The following STUM variants were observed in gnomAD, a reference collection of about 807,000 sequenced individuals.
STUM encodes protein stum homolog.
A neutral mutation model predicts 15.3 loss-of-function variants in STUM; 8 were observed. The ratio of observed to expected loss-of-function variants is 0.52; its 90% CI spans 0.31 to 0.94. The LOEUF is 0.94. Ranked by LOEUF, STUM falls within the 40% of genes least tolerant of loss-of-function variation. The pLI is 0.05. For missense variants in STUM, 142 were observed against 204.9 expected (o/e 0.69, Z 1.87); for synonymous variants, 78 against 88.7 (o/e 0.88, Z 0.68).
chr1:226,605,783 AC>A lies in STUM; in HGVS notation c.*3746del, dbSNP rs1668347360. 1 of 152,088 alleles carries A rather than the reference AC, an allele frequency of 6.6e-6. No individual in the cohort carries two copies. Among genetic ancestry groups the A allele is most frequent in the African/African-American group, 2.4e-5 (1 of 41,366 alleles). The allele number at this position is 152,088 out of a possible 1,614,324, so 9.4% of individuals were successfully genotyped here. On this transcript the variant is annotated 3_prime_UTR_variant, in exon 4 of 4. Transcript: ENST00000366788. This position sits in a 1 kb window ranked among gnomAD's most constrained non-coding sequence, Gnocchi z 4.0. ...TCCCACCTGCCTGGGCAGCCCTCACACCCATGCTCCCTCCTTTAGGCAGGCC... is the reference window on the plus strand; with the variant it reads ...TCCCACCTGCCTGGGCAGCCCTCACACCATGCTCCCTCCTTTAGGCAGGCC...
intron 1 of STUM, among the ~76,000 whole-genome samples, chr1:226,561,732 T>G (rs1401244057): frequency 6.6e-6 from 1 of 152,148 alleles, no homozygotes; most frequent in Non-Finnish European, 1.5e-5. Context: ...AACCATCAAA[T>G]CTAAGTCTAA....
At chr1:226,585,556 T>C (rs1403299890) in intron 1 of STUM, among the ~76,000 whole-genome samples, 3 of 152,238 alleles carry the variant, frequency 2.0e-5, no homozygotes, top group East Asian at 1.9e-4. Flanking sequence ...TTATCTGTGA[T>C]GCAGTTGGGA....
At chr1:226,572,634 A>T (rs1667737014) in intron 1 of STUM, among the ~76,000 whole-genome samples, 1 of 152,180 alleles carries the variant, frequency 6.6e-6, no homozygotes, top group African/African-American at 2.4e-5. Context: ...CAAGTCCCTG[A>T]GTCGGCCTTT....
intron 1 of STUM, among the ~76,000 whole-genome samples, chr1:226,571,921 G>A (rs1183869208): frequency 1.3e-5 from 2 of 152,156 alleles, no homozygotes; most frequent in African/African-American, 4.8e-5. Context: ...GATTACAGGC[G>A]TGAGCCACCA....
At chr1:226,599,957 T>C (rs1668240458) in intron 2 of STUM, among the ~76,000 whole-genome samples, 1 of 152,222 alleles carries the variant, frequency 6.6e-6, no homozygotes, top group Non-Finnish European at 1.5e-5. Flanking sequence ...CCCCAAAGTA[T>C]TTTTATATAT....
chr1:226,601,916 C>T (rs1439735945), intron 3 of STUM, 90 bp from the exon 4 acceptor site: 2 of 1,067,338 alleles, frequency 1.9e-6, no homozygotes, highest in African/African-American at 3.1e-5. Context: ...AACAATGCCT[C>T]CTGTGTGCAT....
In STUM at chr1:226,602,223, G is replaced by A; in HGVS notation, c.*183G>A. 1.7e-6 allele frequency: 1 copy of A among 591,182 alleles called. No homozygotes were observed. The highest frequency in any genetic ancestry group is 2.0e-5 in the South Asian group (1 of 48,930). 36.6% of individuals were successfully genotyped at this position (591,182 alleles called of 1,614,324 possible). ...CTGCTTTTCTCAGCAGGTTGTGAGG[G>A]CTGCCAGCCCCTCCTGCTCTGGAAA... is the stretch of plus-strand genomic sequence containing the variant. On this transcript the variant is annotated 3_prime_UTR_variant, in exon 4 of 4. Transcript: ENST00000366788.
rs1234077678 is a variant in STUM, at chr1:226,607,697, G to A, written c.*5657G>A. 1 of 152,244 alleles carries A rather than the reference G, an allele frequency of 6.6e-6. No homozygotes were observed. Among genetic ancestry groups the A allele is most frequent in the Non-Finnish European group, 1.5e-5 (1 of 68,066 alleles). 9.4% of individuals were successfully genotyped at this position (152,244 alleles called of 1,614,324 possible). ...GTAGCGTCCACCATGTGTGTGTCCT[G>A]AGTTTCCAGTGCAAGTCATCTGGAT... On this transcript the variant is annotated 3_prime_UTR_variant, in exon 4 of 4. Transcript: ENST00000366788.
chr1:226,560,542 T>C (rs1318027506), intron 1 of STUM, among the ~76,000 whole-genome samples: 1 of 151,980 alleles, frequency 6.6e-6, no homozygotes, highest in Non-Finnish European at 1.5e-5. Flanking sequence ...TCAATGAAAA[T>C]GGAATAGCAC....
chr1:226,548,932 ACGGCGGCGG>A lies in STUM; in HGVS notation c.41_49del (p.Ala14_Ala16del), dbSNP rs759835997. Reference sequence around the variant, plus strand: ...GGAGCCCTCGCACAAAGACGCCGAGACGGCGGCGGCGGCGGCGGCGGTGGCGGCGGCGGA... The same window carrying A: ...GGAGCCCTCGCACAAAGACGCCGAGACGGCGGCGGCGGTGGCGGCGGCGGA... On this transcript the variant is annotated inframe_deletion, in exon 1 of 4. Transcript: ENST00000366788. The A allele has an allele frequency of 3.1e-4, 444 of 1,443,458 alleles. 1 individual carries two copies. In the East Asian group the frequency reaches 5.9e-3, roughly 19 times the overall value. 89.4% of individuals were successfully genotyped at this position (1,443,458 alleles called of 1,614,324 possible). A position where few individuals can be genotyped will look rare whatever the true frequency, so the allele number is the denominator to read the frequency against.
intron 1 of STUM, among the ~76,000 whole-genome samples, chr1:226,554,377 T>A (rs1430349606): frequency 6.6e-6 from 1 of 152,194 alleles, no homozygotes; most frequent in African/African-American, 2.4e-5. Flanking sequence ...GGTAGAGGCA[T>A]GAATACCCCA....
chr1:226,548,867 C>G lies in STUM; in HGVS notation c.-38C>G. ...GCTCCCGTACGCTGGGCGCCAGCTC[C>G]GGCCGTGCTGCCCGGCTGCCTGAGA... On this transcript the variant is annotated 5_prime_UTR_variant, in exon 1 of 4. Transcript: ENST00000366788. The G allele has an allele frequency of 7.6e-7, 1 of 1,309,602 alleles. No homozygotes were observed. The highest frequency in any genetic ancestry group is 9.6e-7 in the Non-Finnish European group (1 of 1,036,912). 81.1% of individuals were successfully genotyped at this position (1,309,602 alleles called of 1,614,324 possible).
intron 1 of STUM, among the ~76,000 whole-genome samples, chr1:226,579,149 G>A (rs956207533): frequency 4.6e-5 from 7 of 152,170 alleles, no homozygotes; most frequent in African/African-American, 1.4e-4. Flanking sequence ...GGCTATGTGC[G>A]CTAATTCTTT....
chr1:226,556,593 C>T (rs1274668313), intron 1 of STUM, among the ~76,000 whole-genome samples: 1 of 152,128 alleles, frequency 6.6e-6, no homozygotes, highest in Admixed American at 6.5e-5. Flanking sequence ...TGCCACAAAG[C>T]ATCATGAAAA....
chr1:226,577,546 C>T (rs930204481), intron 1 of STUM, among the ~76,000 whole-genome samples: 7 of 152,062 alleles, frequency 4.6e-5, no homozygotes, highest in South Asian at 4.1e-4. Context: ...CACATAGACT[C>T]GTGCACGCAT....
At chr1:226,571,537 A>G (rs1667711327) in intron 1 of STUM, among the ~76,000 whole-genome samples, 1 of 152,206 alleles carries the variant, frequency 6.6e-6, no homozygotes, top group South Asian at 2.1e-4. Flanking sequence ...AGGTTAGTGA[A>G]AATTAAGATG....
intron 1 of STUM, among the ~76,000 whole-genome samples, chr1:226,592,520 CAGTGG>C (rs1668107464): frequency 6.6e-6 from 1 of 152,210 alleles, no homozygotes. Flanking sequence ...TAACTACCTC[CAGTGG>C]TTTTAAGAAT....
At position 226,565,884 on chromosome 1, in the gene STUM, C is replaced by G. The variant is rs1008767767; in HGVS notation, c.202+16778C>G. ...TGTCATCTCCCTCTTTCACCTGGAG[C>G]CTTCATTTTGGAAGGTGCAACAGCT... is the stretch of plus-strand genomic sequence containing the variant. On this transcript the variant is annotated intron_variant, in intron 1 of 3. Coordinates refer to ENST00000366788, the MANE Select transcript of STUM (RefSeq NM_001003665.4). This position sits in a 1 kb window ranked among gnomAD's most constrained non-coding sequence, Gnocchi z 4.4. Among the ~76,000 whole-genome samples, 1 of 152,228 alleles carries G rather than the reference C, an allele frequency of 6.6e-6. No homozygotes were observed. Among genetic ancestry groups the G allele is most frequent in the African/African-American group, 2.4e-5 (1 of 41,456 alleles).
intron 1 of STUM, among the ~76,000 whole-genome samples, chr1:226,584,651 C>T (rs1667970884): frequency 6.6e-6 from 1 of 152,204 alleles, no homozygotes; most frequent in Admixed American, 6.5e-5. Flanking sequence ...GGGAACAACA[C>T]CGTAGGATTG....
Sources: allele counts gnomAD v4.1 joint callset (sites outside exome capture counted in the v4.1 genomes callset), GRCh38; gene constraint gnomAD v4.1.1; non-coding constraint Gnocchi (gnomAD v3.1); transcripts MANE v1.5; gene names NCBI Gene and HGNC (gene_info 2026-07-23, HGNC 2026-07-21).